The following GLRA3 variants were observed in gnomAD, a reference collection of about 807,000 sequenced individuals.
The protein encoded by GLRA3 is glycine receptor subunit alpha-3.
A neutral mutation model predicts 60.4 loss-of-function variants in GLRA3; 44 were observed. That is an observed-to-expected ratio of 0.73 (90% CI 0.57 to 0.94). GLRA3 has a LOEUF of 0.94. GLRA3 is among the 40% of genes least tolerant of loss of function. The pLI is 0.00. For missense variants in GLRA3, 508 were observed against 564.6 expected (o/e 0.90, Z 1.02); for synonymous variants, 223 against 192.9 (o/e 1.16, Z -1.29).
chr4:174,780,419 A>G (rs1362347863), intron 2 of GLRA3, among the ~76,000 whole-genome samples: 5 of 151,860 alleles, frequency 3.3e-5, no homozygotes, highest in Admixed American at 3.3e-4. Context: ...CCAGCAAAAG[A>G]ACCAGCTAAC....
At chr4:174,708,649 C>T (rs1439217075) in intron 5 of GLRA3, among the ~76,000 whole-genome samples, 7 of 145,906 alleles carry the variant, frequency 4.8e-5, no homozygotes, top group African/African-American at 7.6e-5. Flanking sequence ...GCCCGGGCTG[C>T]AGTGCAATAC....
chr4:174,676,518 G>A lies in GLRA3; in HGVS notation c.927+560C>T, dbSNP rs528183594. On this transcript the variant is annotated intron_variant, in intron 7 of 9. Coordinates refer to ENST00000274093, the MANE Select transcript of GLRA3 (RefSeq NM_006529.4). ...GAACATAATACAAAATATGTGTAAA[G>A]CTATGTGTGTGTATGTGTTTGTGTC... Among the ~76,000 whole-genome samples the A allele has an allele frequency of 5.9e-5, 9 of 152,134 alleles. 1 individual carries two copies. In the South Asian group the frequency reaches 1.9e-3, roughly 32 times the overall value.
At chr4:174,654,898 C>A (rs777736651) in intron 9 of GLRA3, among the ~76,000 whole-genome samples, 1 of 152,080 alleles carries the variant, frequency 6.6e-6, no homozygotes, top group Non-Finnish European at 1.5e-5. Context: ...AATTTGGATA[C>A]AAGAGCAAAC....
At chr4:174,778,133 C>G (rs144774119) in intron 2 of GLRA3, among the ~76,000 whole-genome samples, 2 of 151,954 alleles carry the variant, frequency 1.3e-5, no homozygotes, top group Non-Finnish European at 2.9e-5. Flanking sequence ...TCTGTAACAT[C>G]GTTAGGCAGT....
chr4:174,726,000 T>G (rs564860676), intron 4 of GLRA3, among the ~76,000 whole-genome samples: 20 of 152,352 alleles, frequency 1.3e-4, no homozygotes, highest in African/African-American at 4.1e-4. Flanking sequence ...AGGTGTTATC[T>G]TGTGTCTGTT....
intron 1 of GLRA3, among the ~76,000 whole-genome samples, chr4:174,814,620 A>G (rs1740409783): frequency 6.6e-6 from 1 of 152,202 alleles, no homozygotes; most frequent in Non-Finnish European, 1.5e-5. Context: ...AGTCCTCACA[A>G]TCATGGCAAA....
At chr4:174,702,275 A>G (rs1275424680) in intron 5 of GLRA3, among the ~76,000 whole-genome samples, 1 of 152,220 alleles carries the variant, frequency 6.6e-6, no homozygotes, top group East Asian at 1.9e-4. Context: ...GAAGGCTCAG[A>G]TTATCAGCAT....
chr4:174,691,396 G>C (rs531443980), intron 5 of GLRA3, among the ~76,000 whole-genome samples: 12 of 151,498 alleles, frequency 7.9e-5, no homozygotes. Context: ...CTCTCCCCAC[G>C]GTCTCCCTCT....
intron 9 of GLRA3, among the ~76,000 whole-genome samples, chr4:174,645,187 G>A (rs912871674): frequency 6.6e-6 from 1 of 152,122 alleles, no homozygotes; most frequent in African/African-American, 2.4e-5. Context: ...GCTGAGGCAG[G>A]TGGATCACAA....
chr4:174,761,449 C>T (rs1458112877), intron 3 of GLRA3, among the ~76,000 whole-genome samples: 1 of 152,146 alleles, frequency 6.6e-6, no homozygotes, highest in Non-Finnish European at 1.5e-5. Flanking sequence ...ATCCTTCCTT[C>T]CAATGTGCCA....
intron 4 of GLRA3, among the ~76,000 whole-genome samples, chr4:174,721,178 G>A (rs962750626): frequency 7.2e-5 from 11 of 152,020 alleles, no homozygotes; most frequent in Admixed American, 1.3e-4. Flanking sequence ...ACAGGCATGC[G>A]CCACCACGCC....
At position 174,771,162 on chromosome 4, in the gene GLRA3, A is replaced by G. The variant is rs578168718; in HGVS notation, c.200-4132T>C. ...ACGAGTTAATGGGTGCAGCACACCAACATGGCACATGTATACATATGTAAC... is the reference window on the plus strand; with the variant it reads ...ACGAGTTAATGGGTGCAGCACACCAGCATGGCACATGTATACATATGTAAC... On this transcript the variant is annotated intron_variant, in intron 2 of 9. Coordinates refer to ENST00000274093, the MANE Select transcript of GLRA3 (RefSeq NM_006529.4). Among the ~76,000 whole-genome samples the G allele has an allele frequency of 5.3e-5, 8 of 151,994 alleles. No individual in the cohort carries two copies. The East Asian group carries it at 1.4e-3, about 26-fold the overall frequency.
intron 5 of GLRA3, among the ~76,000 whole-genome samples, chr4:174,686,003 T>C (rs1238315105): frequency 6.6e-6 from 1 of 152,238 alleles, no homozygotes; most frequent in Admixed American, 6.5e-5. Flanking sequence ...TAGTGGCTAA[T>C]ACAATTTATA....
intron 7 of GLRA3, among the ~76,000 whole-genome samples, chr4:174,674,542 T>C (rs1392265768): frequency 6.6e-6 from 1 of 152,196 alleles, no homozygotes; most frequent in Admixed American, 6.6e-5. Context: ...CTGGCTAAAG[T>C]ACATTCTTTG....
At chr4:174,710,960 T>G (rs1170548415) in intron 5 of GLRA3, among the ~76,000 whole-genome samples, 3 of 152,062 alleles carry the variant, frequency 2.0e-5, no homozygotes, top group Non-Finnish European at 4.4e-5. Context: ...CTTATTTGTA[T>G]CTAGAAATTT....
chr4:174,759,297 C>T (rs1474627694), intron 3 of GLRA3, among the ~76,000 whole-genome samples: 1 of 150,246 alleles, frequency 6.7e-6, no homozygotes, highest in East Asian at 2.0e-4. Context: ...TAATCATGTT[C>T]TTATGTATTG....
At chr4:174,770,717 GTATT>G (rs1364480698) in intron 2 of GLRA3, among the ~76,000 whole-genome samples, 8 of 152,122 alleles carry the variant, frequency 5.3e-5, no homozygotes, top group South Asian at 4.1e-4. Context: ...TAGGGGCGCT[GTATT>G]TAGTTACTAA....
intron 3 of GLRA3, among the ~76,000 whole-genome samples, chr4:174,732,227 C>T (rs537810714): frequency 2.0e-3 from 307 of 152,076 alleles, no homozygotes; most frequent in African/African-American, 6.7e-3. Context: ...TGGTGGCGTG[C>T]GCCTGTAGTC....
At chr4:174,810,108 T>C (rs1740201982) in intron 1 of GLRA3, among the ~76,000 whole-genome samples, 1 of 152,160 alleles carries the variant, frequency 6.6e-6, no homozygotes, top group Admixed American at 6.6e-5. Context: ...AACAGAATCT[T>C]TGGTCTCATG....
Sources: allele counts gnomAD v4.1 joint callset (sites outside exome capture counted in the v4.1 genomes callset), GRCh38; gene constraint gnomAD v4.1.1; transcripts MANE v1.5; gene names NCBI Gene and HGNC (gene_info 2026-07-23, HGNC 2026-07-21).